FGF14: variants seen among roughly 807,000 people sequenced by gnomAD.
FGF14 encodes the protein fibroblast growth factor 14.
In FGF14, 5 loss-of-function variants were observed where a neutral mutation model predicts 25.5. The ratio of observed to expected loss-of-function variants is 0.20; its 90% confidence interval spans 0.10 to 0.41. The LOEUF (loss-of-function observed/expected upper bound fraction) is 0.41. Ranked by LOEUF, FGF14 falls within the 10% of genes least tolerant of loss-of-function variation. The pLI is 1.00. For synonymous variants in FGF14, 138 were observed against 118.3 expected, an observed-to-expected ratio of 1.17 and a Z score of -1.08; for missense variants, 222 against 320.1, an observed-to-expected ratio of 0.69 and a Z score of 2.34.
At chr13:102,177,793 C>T (rs889939014) in intron 1 of FGF14, among the ~76,000 whole-genome samples, 2 of 151,944 alleles carry the variant, frequency 1.3e-5, no homozygotes, top group Non-Finnish European at 2.9e-5. Flanking sequence ...AAAAAAACCT[C>T]CATCTCAAAA....
At chr13:101,912,984 T>A (rs1354222912) in intron 1 of FGF14, among the ~76,000 whole-genome samples, 1 of 152,150 alleles carries the variant, frequency 6.6e-6, no homozygotes, top group Non-Finnish European at 1.5e-5. Flanking sequence ...TGAATATGTA[T>A]ACTTAATTAA....
intron 1 of FGF14, among the ~76,000 whole-genome samples, chr13:102,296,745 C>T (rs1030115452): frequency 5.3e-5 from 8 of 152,054 alleles, no homozygotes; most frequent in Non-Finnish European, 1.0e-4. Flanking sequence ...TGCTAAAGCT[C>T]AAGAAATGTG....
chr13:102,313,177 A>G (rs528645249), intron 1 of FGF14, among the ~76,000 whole-genome samples: 1 of 152,308 alleles, frequency 6.6e-6, no homozygotes, highest in African/African-American at 2.4e-5. Context: ...AATCAATTCA[A>G]CAGTGTCTTC....
intron 1 of FGF14, among the ~76,000 whole-genome samples, chr13:102,185,186 T>C (rs868441954): frequency 1.3e-5 from 2 of 152,148 alleles, no homozygotes; most frequent in Non-Finnish European, 2.9e-5. Flanking sequence ...AGCACATGCC[T>C]CATCTTTAAG....
At chr13:102,027,549 A>T (rs888033231) in intron 1 of FGF14, among the ~76,000 whole-genome samples, 1 of 152,104 alleles carries the variant, frequency 6.6e-6, no homozygotes, top group African/African-American at 2.4e-5. Flanking sequence ...CAATTTACTT[A>T]TTCCACACAT....
intron 1 of FGF14, among the ~76,000 whole-genome samples, chr13:102,109,508 T>C (rs2045108357): frequency 6.6e-6 from 1 of 152,216 alleles, no homozygotes; most frequent in African/African-American, 2.4e-5. Flanking sequence ...CAAAACACCA[T>C]GTTGTATACC....
At chr13:102,076,449 T>C (rs114321604) in intron 1 of FGF14, among the ~76,000 whole-genome samples, 1,674 of 152,308 alleles carry the variant, frequency 0.011, 26 homozygotes, top group African/African-American at 0.038. Context: ...CATCTAGGCT[T>C]CTGTAAGTAT....
chr13:101,789,236 C>T (rs947690245), intron 3 of FGF14, among the ~76,000 whole-genome samples: 2 of 151,930 alleles, frequency 1.3e-5, no homozygotes, highest in Non-Finnish European at 2.9e-5. Flanking sequence ...ACATCATTTT[C>T]CCTATTTCCA....
intron 1 of FGF14, among the ~76,000 whole-genome samples, chr13:102,351,491 G>C (rs923626442): frequency 6.6e-6 from 1 of 152,280 alleles, no homozygotes; most frequent in Non-Finnish European, 1.5e-5. Context: ...TTAGTTATGG[G>C]TAACTAGTTC....
intron 1 of FGF14, among the ~76,000 whole-genome samples, chr13:102,243,859 C>T (rs1395904019): frequency 6.6e-6 from 1 of 151,972 alleles, no homozygotes; most frequent in Non-Finnish European, 1.5e-5. Flanking sequence ...ATTCCTCTCA[C>T]TGAAACACTA....
chr13:102,096,163 C>CTGT (rs1313604536), intron 1 of FGF14, among the ~76,000 whole-genome samples: 3 of 151,832 alleles, frequency 2.0e-5, no homozygotes, highest in African/African-American at 7.3e-5. Context: ...TAGCAAAGGT[C>CTGT]ACTCAATAAA....
chr13:101,853,152 AT>A, intron 3 of FGF14, among the ~76,000 whole-genome samples: 1 of 152,158 alleles, frequency 6.6e-6, no homozygotes, highest in African/African-American at 2.4e-5. Flanking sequence ...ACATAAAAAG[AT>A]CAAAATAACT....
At chr13:102,318,860 G>C (rs923142388) in intron 1 of FGF14, among the ~76,000 whole-genome samples, 5 of 152,074 alleles carry the variant, frequency 3.3e-5, no homozygotes, top group African/African-American at 1.2e-4. Context: ...TCTGAGACAG[G>C]GTTTGGCACA....
intron 1 of FGF14, among the ~76,000 whole-genome samples, chr13:101,892,801 C>T (rs946933984): frequency 6.6e-6 from 1 of 152,156 alleles, no homozygotes; most frequent in South Asian, 2.1e-4. Flanking sequence ...AATAACAGCA[C>T]AGGATGCTGT....
At chr13:102,154,826 C>G (rs1160130663) in intron 1 of FGF14, among the ~76,000 whole-genome samples, 2 of 151,480 alleles carry the variant, frequency 1.3e-5, no homozygotes, top group East Asian at 3.9e-4. Context: ...AAAGATCTAC[C>G]AAGCAAATGG....
intron 1 of FGF14, among the ~76,000 whole-genome samples, chr13:102,115,624 A>G (rs746571741): frequency 6.6e-6 from 1 of 152,128 alleles, no homozygotes. Context: ...GACAGGAGCT[A>G]AACATTGAAT....
intron 1 of FGF14, among the ~76,000 whole-genome samples, chr13:102,101,833 T>C (rs1050452834): frequency 2.0e-5 from 3 of 152,004 alleles, no homozygotes; most frequent in Non-Finnish European, 2.9e-5. Flanking sequence ...GCTTCCTGAG[T>C]AGCTGGAATT....
At chr13:101,885,744 C>T (rs1453412308) in intron 1 of FGF14, among the ~76,000 whole-genome samples, 1 of 150,814 alleles carries the variant, frequency 6.6e-6, no homozygotes, top group Non-Finnish European at 1.5e-5. Context: ...AACCATAGGC[C>T]AGAGAAACCT....
At chr13:102,283,243 T>A (rs772119377) in intron 1 of FGF14, among the ~76,000 whole-genome samples, 1 of 152,248 alleles carries the variant, frequency 6.6e-6, no homozygotes, top group Non-Finnish European at 1.5e-5. Context: ...TGGCTATGGC[T>A]TGATCACATG....
Sources: allele counts gnomAD v4.1 joint callset (sites outside exome capture counted in the v4.1 genomes callset), GRCh38; gene constraint gnomAD v4.1.1; transcripts MANE v1.5; gene names NCBI Gene and HGNC (gene_info 2026-07-23, HGNC 2026-07-21).